The following PIK3C2G variants were observed in gnomAD, a reference collection of about 807,000 sequenced individuals.
The protein encoded by PIK3C2G is phosphatidylinositol 3-kinase C2 domain-containing subunit gamma.
Under a neutral mutation model 181.1 loss-of-function variants are expected in PIK3C2G, and 168 were observed. The observed-to-expected ratio is 0.93, with a 90% CI of 0.82 to 1.05. The LOEUF is 1.05. PIK3C2G is among the 50% of genes least tolerant of loss of function. The pLI, the probability that PIK3C2G is intolerant of heterozygous loss-of-function variation, is 0.00. For missense variants in PIK3C2G, 1,869 were observed against 1,732.8 expected (o/e 1.08, Z -1.40); for synonymous variants, 573 against 592.2 (o/e 0.97, Z 0.47).
intron 2 of PIK3C2G, chr12:18,285,293 TAAAG>T (rs1458037789): frequency 6.6e-6 from 1 of 151,868 alleles, no homozygotes; most frequent in Non-Finnish European, 1.5e-5. Context: ...AAAAACAAAA[TAAAG>T]ACATTACCGT....
chr12:18,385,717 C>T (rs962778758), intron 14 of PIK3C2G, among the ~76,000 whole-genome samples: 43 of 152,060 alleles, frequency 2.8e-4, no homozygotes, highest in East Asian at 1.4e-3. Flanking sequence ...TACAGGTGTG[C>T]GCCACCATGC....
downstream of PIK3C2G, among the ~76,000 whole-genome samples, chr12:18,652,896 T>C (rs10743281): frequency 0.44 from 66,647 of 151,650 alleles, 14,792 homozygotes; most frequent in Middle Eastern, 0.57. Flanking sequence ...TATACATATA[T>C]ATGTATATGT....
chr12:18,491,131 C>T (rs924462742), intron 19 of PIK3C2G, among the ~76,000 whole-genome samples: 6 of 152,132 alleles, frequency 3.9e-5, no homozygotes, highest in Admixed American at 1.3e-4. Context: ...TCCAAATTGG[C>T]GGCCACGCAG....
At chr12:18,270,917 G>C (rs1479906516) in intron 1 of PIK3C2G, among the ~76,000 whole-genome samples, 2 of 152,078 alleles carry the variant, frequency 1.3e-5, no homozygotes, top group South Asian at 2.1e-4. Context: ...ATCTCAATTT[G>C]TAAAATATAC....
intron 24 of PIK3C2G, among the ~76,000 whole-genome samples, chr12:18,530,610 G>A (rs746413176): frequency 1.7e-4 from 26 of 152,148 alleles, no homozygotes; most frequent in Non-Finnish European, 2.9e-4. Flanking sequence ...TTGGCTCTGC[G>A]TGCCCACCCA....
intron 8 of PIK3C2G, among the ~76,000 whole-genome samples, chr12:18,328,345 T>A (rs1480707487): frequency 6.6e-6 from 1 of 151,884 alleles, no homozygotes; most frequent in African/African-American, 2.4e-5. Context: ...TATTTAACAC[T>A]TGCTCAAGAC....
the PIK3C2G span, among the ~76,000 whole-genome samples, chr12:18,695,877 T>G: frequency 6.6e-6 from 1 of 152,082 alleles, no homozygotes; most frequent in Non-Finnish European, 1.5e-5. Context: ...TTGGGTTTCC[T>G]TGTTCCCTTC....
intron 18 of PIK3C2G, among the ~76,000 whole-genome samples, chr12:18,456,043 G>A (rs952224882): frequency 5.3e-5 from 8 of 152,096 alleles, no homozygotes; most frequent in African/African-American, 1.9e-4. Flanking sequence ...GCATTCAAAT[G>A]TGCCCCTTGT....
rs115255868 is a variant in PIK3C2G at position 18,289,489 on chromosome 12, C to T, written c.762-1366C>T. ...GCTAACTCATAAGGCTCCTCAATCC[C>T]TAACTGGACTCTAGACCTTTATGGT... is the stretch of plus-strand genomic sequence containing the variant. On this transcript the variant is annotated intron_variant, in intron 3 of 32. Transcript: ENST00000538779. Among the ~76,000 whole-genome samples, 931 of 152,288 alleles carry T rather than the reference C, an allele frequency of 6.1e-3. 9 individuals are homozygous for T. The highest frequency in any genetic ancestry group is 0.021 in the African/African-American group (886 of 41,568).
intron 18 of PIK3C2G, among the ~76,000 whole-genome samples, chr12:18,485,265 C>G (rs1245910384): frequency 6.6e-6 from 1 of 152,138 alleles, no homozygotes; most frequent in Admixed American, 6.5e-5. Context: ...TTTCCTGTGG[C>G]TCTAGCAAGT....
intron 22 of PIK3C2G, among the ~76,000 whole-genome samples, chr12:18,498,280 A>G (rs2136093013): frequency 6.6e-6 from 1 of 152,382 alleles, no homozygotes; most frequent in East Asian, 1.9e-4. Context: ...ATAAAAGCCA[A>G]GAAATCAATA....
chr12:18,677,029 T>C, the PIK3C2G span, among the ~76,000 whole-genome samples: 1 of 152,142 alleles, frequency 6.6e-6, no homozygotes, highest in East Asian at 1.9e-4. Flanking sequence ...ATGAACAATA[T>C]AAAGATGAAT....
rs1241488718 is a variant in PIK3C2G, at chr12:18,497,599, T to G, written c.2887-20T>G. 2 of 1,601,444 alleles carry G rather than the reference T, an allele frequency of 1.2e-6. No individual in the cohort carries two copies. On this transcript the variant is annotated intron_variant, in intron 21 of 32. Transcript: ENST00000538779. The stretch of plus-strand genomic sequence containing the variant: ...CAAATTCAAGGAAAAACCCAGGGTC[T>G]ATAATTTTGTTTTTAACAGGCTGGA...
At chr12:18,353,185 C>A (rs892212078) in intron 11 of PIK3C2G, among the ~76,000 whole-genome samples, 1 of 152,114 alleles carries the variant, frequency 6.6e-6, no homozygotes, top group African/African-American at 2.4e-5. Context: ...TGACAGGGGG[C>A]ATTGTTTTGG....
intron 18 of PIK3C2G, among the ~76,000 whole-genome samples, chr12:18,462,610 A>C (rs1415512017): frequency 4.6e-5 from 7 of 152,186 alleles, no homozygotes; most frequent in Non-Finnish European, 8.8e-5. Flanking sequence ...GCCCATGGGA[A>C]AGCTAAATGA....
At chr12:18,412,420 G>T (rs555329477) in intron 16 of PIK3C2G, among the ~76,000 whole-genome samples, 1 of 152,180 alleles carries the variant, frequency 6.6e-6, no homozygotes, top group South Asian at 2.1e-4. Context: ...TGACTGTAGG[G>T]TGGGGTTTTC....
chr12:18,303,665 T>C (rs968610771), intron 5 of PIK3C2G, among the ~76,000 whole-genome samples: 1 of 152,180 alleles, frequency 6.6e-6, no homozygotes, highest in Non-Finnish European at 1.5e-5. Context: ...ACTCTAAGTC[T>C]TTCTGTCTAA....
At chr12:18,455,339 G>T (rs556724971) in intron 18 of PIK3C2G, among the ~76,000 whole-genome samples, 2 of 152,136 alleles carry the variant, frequency 1.3e-5, no homozygotes, top group African/African-American at 2.4e-5. Flanking sequence ...TATGCCAGGA[G>T]GTTGGGAAGG....
At chr12:18,350,838 T>C (rs1940153925) in intron 11 of PIK3C2G, among the ~76,000 whole-genome samples, 3 of 152,130 alleles carry the variant, frequency 2.0e-5, no homozygotes, top group African/African-American at 7.2e-5. Context: ...GTAATAACAT[T>C]GACAGAAATC....
Sources: gnomAD v4.1 joint callset for allele counts (sites outside exome capture counted in the v4.1 genomes callset) on GRCh38, gnomAD v4.1.1 for gene constraint, MANE v1.5 for transcripts, NCBI Gene and HGNC (gene_info 2026-07-23, HGNC 2026-07-21) for gene names.